The following FREM1 variants were observed in gnomAD, a reference collection of about 807,000 sequenced individuals.
The protein encoded by FREM1 is FRAS1-related extracellular matrix protein 1.
Under a neutral mutation model 210.1 loss-of-function variants are expected in FREM1, and 220 were observed. The observed-to-expected ratio is 1.05, with a 90% CI of 0.94 to 1.17. FREM1 has a LOEUF of 1.17. Ranked by LOEUF, FREM1 falls within the 50% of genes most tolerant of loss-of-function variation. The pLI is 0.00. For missense variants in FREM1, 3,454 were observed against 2,675.5 expected, an observed-to-expected ratio of 1.29 and a Z score of -6.42; for synonymous variants, 1,189 against 980.2, an observed-to-expected ratio of 1.21 and a Z score of -3.98.
At chr9:14,811,826 G>C (rs1033977107) in intron 16 of FREM1, among the ~76,000 whole-genome samples, 2 of 151,982 alleles carry the variant, frequency 1.3e-5, no homozygotes, top group Non-Finnish European at 2.9e-5. Context: ...AAAATGATTT[G>C]AATTCTGAAA....
intron 1 of FREM1, among the ~76,000 whole-genome samples, chr9:14,908,950 T>A (rs1818265493): frequency 6.6e-6 from 1 of 152,124 alleles, no homozygotes. Flanking sequence ...CTTTATCAAA[T>A]GTAAGCAGGG....
intron 1 of FREM1, among the ~76,000 whole-genome samples, chr9:14,874,158 G>A (rs1360944884): frequency 6.6e-6 from 1 of 152,168 alleles, no homozygotes; most frequent in Non-Finnish European, 1.5e-5. Flanking sequence ...ATTTGGGGTG[G>A]AGGGTTCTGC....
rs1171139949 is a variant in FREM1 at position 14,861,030 on chromosome 9, CATATAT to C, written c.330-1552_330-1547del. ...ATATATACATATATACACATATATA[CATATAT>C]ACATATATACATATATACATATATA... On this transcript the variant is annotated intron_variant, in intron 3 of 36. Coordinates refer to ENST00000380880, the MANE Select transcript of FREM1 (RefSeq NM_001379081.2). 2.1e-3 allele frequency among the ~76,000 whole-genome samples: 153 copies of C among 73,994 alleles called. 13 individuals carry two copies. Among genetic ancestry groups the C allele is most frequent in the African/African-American group, 9.8e-3 (142 of 14,544 alleles). The allele number at this position is 73,994 out of a possible 152,430, so 48.5% of individuals were successfully genotyped here.
At chr9:14,841,420 G>A in intron 10 of FREM1, 27 bp downstream of exon 10, 2 of 1,548,778 alleles carry the variant, frequency 1.3e-6, no homozygotes, top group African/African-American at 1.4e-5. Flanking sequence ...CAAGACTTTG[G>A]GAAAGTGTTC....
At chr9:14,798,016 G>A (rs76981317) in intron 20 of FREM1, among the ~76,000 whole-genome samples, 4,627 of 152,008 alleles carry the variant, frequency 0.03, 91 homozygotes, top group Non-Finnish European at 0.037. Flanking sequence ...TTCTTAATAG[G>A]TCAAAACTTA....
intron 19 of FREM1, among the ~76,000 whole-genome samples, chr9:14,804,052 C>T (rs1278102823): frequency 6.6e-6 from 1 of 152,058 alleles, no homozygotes; most frequent in Non-Finnish European, 1.5e-5. Flanking sequence ...AAATGCCAAA[C>T]CTGATTAGTA....
intron 25 of FREM1, among the ~76,000 whole-genome samples, chr9:14,773,687 A>G (rs1273584223): frequency 1.3e-5 from 2 of 150,240 alleles, no homozygotes; most frequent in Non-Finnish European, 2.9e-5. Context: ...ACATTTTCCT[A>G]TCAGTAAATT....
intron 2 of FREM1, among the ~76,000 whole-genome samples, chr9:14,864,992 A>G (rs556636960): frequency 1.3e-5 from 2 of 152,352 alleles, no homozygotes; most frequent in East Asian, 1.9e-4. Context: ...TTTATGTTTC[A>G]TAATATGTTT....
At chr9:14,762,809 G>A (rs535714536) in intron 27 of FREM1, among the ~76,000 whole-genome samples, 13 of 137,924 alleles carry the variant, frequency 9.4e-5, no homozygotes, top group East Asian at 6.5e-4. Flanking sequence ...ATCTTTCTAC[G>A]CAGAGACTGT....
At position 14,819,319 on chromosome 9, in the gene FREM1, G is replaced by C; in HGVS notation, c.2461C>G (p.Leu821Val). 6.2e-7 allele frequency: 1 copy of C among 1,613,968 alleles called. No individual in the cohort carries two copies. Residue 821 changes from leucine (L) to valine (V), a missense_variant, in exon 14 of 37, where the codon CTG becomes GTG. Leu to Val is a conservative substitution (Grantham distance 32, BLOSUM62 1). Transcript: ENST00000380880. ...NIDLSLRELP[L>V]HGRVELNGFP... ...CCATTCAGCTCCACCCTTCCGTGCA[G>C]AGGCAATTCCCGCAGGGAGAGGTCA... is the stretch of plus-strand genomic sequence containing the variant.
intron 25 of FREM1, among the ~76,000 whole-genome samples, chr9:14,774,381 G>C (rs775787413): frequency 6.6e-6 from 1 of 152,176 alleles, no homozygotes; most frequent in East Asian, 1.9e-4. Context: ...GTTGCCTCCA[G>C]ACTGCCTTTG....
chr9:14,870,874 A>G (rs1357280275), intron 1 of FREM1, among the ~76,000 whole-genome samples: 1 of 138,118 alleles, frequency 7.2e-6, no homozygotes, highest in Non-Finnish European at 1.5e-5. Flanking sequence ...CTCATTGTTC[A>G]ATTCCCACCT....
chr9:14,835,894 G>C (rs1399214176), intron 10 of FREM1, among the ~76,000 whole-genome samples: 1 of 152,084 alleles, frequency 6.6e-6, no homozygotes. Flanking sequence ...CTAGTCTCTT[G>C]TTTTTCAGCT....
At chr9:14,868,524 G>A (rs1443044956) in intron 2 of FREM1, among the ~76,000 whole-genome samples, 3 of 152,186 alleles carry the variant, frequency 2.0e-5, no homozygotes, top group African/African-American at 7.2e-5. Flanking sequence ...TCTGAAGTCA[G>A]CCAAGAATGT....
At chr9:14,850,280 G>A (rs984535134) in intron 6 of FREM1, 5 of 152,114 alleles carry the variant, frequency 3.3e-5, no homozygotes, top group Admixed American at 1.3e-4. Flanking sequence ...GGACCTTCCC[G>A]ATGGACTGTG....
At chr9:14,886,408 A>G (rs79884574) in intron 1 of FREM1, among the ~76,000 whole-genome samples, 1 of 146,834 alleles carries the variant, frequency 6.8e-6, no homozygotes. Context: ...AAAAAAAAAA[A>G]GGAAAAAGAA....
intron 35 of FREM1, among the ~76,000 whole-genome samples, chr9:14,740,615 C>T (rs1369183636): frequency 1.3e-5 from 2 of 152,090 alleles, no homozygotes; most frequent in African/African-American, 4.8e-5. Context: ...TTGGCAAATA[C>T]CAAGTTAATT....
At chr9:14,817,404 C>G (rs950926066) in intron 14 of FREM1, among the ~76,000 whole-genome samples, 1 of 152,164 alleles carries the variant, frequency 6.6e-6, no homozygotes, top group Non-Finnish European at 1.5e-5. Flanking sequence ...GACTAGCTAT[C>G]TTCCTCTCAA....
rs779156069 is a variant in FREM1, at chr9:14,789,132, TAGTC to T, written c.3982-22_3982-19del. 30 of 1,533,176 alleles carry T rather than the reference TAGTC, an allele frequency of 2.0e-5. No individual in the cohort carries two copies. The Admixed American group carries it at 5.8e-4, about 30-fold the overall frequency. 95.0% of individuals were successfully genotyped at this position (1,533,176 alleles called of 1,614,324 possible). ...CTCCCTATCTGGAAGGAGCCAGAGT[TAGTC>T]AGCTGCTCATGGTTTTTTCTTTTCC... On this transcript the variant is annotated intron_variant, in intron 22 of 36. Transcript: ENST00000380880.
Sources: allele counts gnomAD v4.1 joint callset (sites outside exome capture counted in the v4.1 genomes callset), GRCh38; gene constraint gnomAD v4.1.1; transcripts MANE v1.5; gene names NCBI Gene and HGNC (gene_info 2026-07-23, HGNC 2026-07-21).